ELP1: variants seen among roughly 807,000 people sequenced by gnomAD.
The protein encoded by ELP1 is elongator acetyltransferase complex subunit 1.
In ELP1, 131 loss-of-function variants were observed where a neutral mutation model predicts 183.2. The observed-to-expected ratio is 0.72, with a 90% CI of 0.62 to 0.83. The LOEUF is 0.83. ELP1 is among the 40% of genes least tolerant of loss of function. The pLI, the probability that ELP1 is intolerant of heterozygous loss-of-function variation, is 0.00. For synonymous variants in ELP1, 555 were observed against 569.0 expected (o/e 0.98, Z 0.35); for missense variants, 1,550 against 1,594.9 (o/e 0.97, Z 0.48).
At chr9:108,921,261 C>G (rs1829635511) in intron 6 of ELP1, among the ~76,000 whole-genome samples, 1 of 151,912 alleles carries the variant, frequency 6.6e-6, no homozygotes, top group South Asian at 2.1e-4. Flanking sequence ...GTCACCCCTT[C>G]CCCACCCCAC....
Position 108,930,878 on chromosome 9 carries a change from T to C in ELP1, c.150+119A>G, listed in dbSNP as rs1453935235. On this transcript the variant is annotated intron_variant, in intron 2 of 36. Transcript: ENST00000374647. Reference sequence around the variant, plus strand: ...GGCATATATATGAAGCAAAAGATGTTTATTTGGGAGGATATAAATTCAATA... The same window carrying C: ...GGCATATATATGAAGCAAAAGATGTCTATTTGGGAGGATATAAATTCAATA... The C allele has an allele frequency of 4.2e-6, 4 of 952,902 alleles. No homozygotes were observed. The African/African-American group carries it at 6.5e-5, about 16-fold the overall frequency. 59.0% of individuals were successfully genotyped at this position (952,902 alleles called of 1,614,324 possible).
At chr9:108,899,679 AAAG>A in intron 20 of ELP1, 140 bp downstream of exon 20, 1 of 671,792 alleles carries the variant, frequency 1.5e-6, no homozygotes, top group East Asian at 2.8e-5. Context: ...AAAAAAAAAA[AAAG>A]AGCCTCTAAG....
intron 11 of ELP1, 118 bp downstream of exon 11, chr9:108,912,146 T>G: frequency 1.2e-6 from 1 of 812,724 alleles, no homozygotes; most frequent in Non-Finnish European, 2.1e-6. Context: ...AAAAAACAAG[T>G]AACCCAAACA....
intron 27 of ELP1, among the ~76,000 whole-genome samples, chr9:108,892,193 G>C (rs1266942410): frequency 6.6e-6 from 1 of 152,190 alleles, no homozygotes; most frequent in Non-Finnish European, 1.5e-5. Flanking sequence ...TCAGTGTTTG[G>C]CGCCTGGTCC....
intron 12 of ELP1, among the ~76,000 whole-genome samples, chr9:108,908,622 G>T (rs1829103524): frequency 6.6e-6 from 1 of 152,162 alleles, no homozygotes; most frequent in African/African-American, 2.4e-5. Flanking sequence ...AGGTGAAGGG[G>T]CTACCCTCTC....
Position 108,927,389 on chromosome 9 carries a change from A to T in ELP1, c.368T>A (p.Leu123Gln). ...SVMSWSPDQELVLLATGQQTL... is the reference protein window; with the variant it reads ...SVMSWSPDQEQVLLATGQQTL... ...AAGCTTACCTGTGGCAAGAAGCACC[A>T]GCTCTTGGTCAGGACTCCAACTCAT... is the stretch of plus-strand genomic sequence containing the variant. Residue 123 changes from leucine to glutamine, a missense_variant, in exon 4 of 37, where the codon CTG (leucine) becomes CAG (glutamine). Coordinates refer to ENST00000374647, the MANE Select transcript of ELP1 (RefSeq NM_003640.5). 6.2e-7 allele frequency: 1 copy of T among 1,613,664 alleles called. No homozygotes were observed. The highest frequency in any genetic ancestry group is 8.5e-7 in the Non-Finnish European group (1 of 1,179,588).
At chr9:108,902,078 C>A (rs1023620643) in intron 16 of ELP1, among the ~76,000 whole-genome samples, 2 of 152,184 alleles carry the variant, frequency 1.3e-5, no homozygotes, top group African/African-American at 2.4e-5. Context: ...AATCTTTGTT[C>A]AATTAAAGAA....
rs757781758 is a variant in ELP1, at chr9:108,869,162, G to T, written c.3952C>A (p.Pro1318Thr). ...PVLDAELFIP[P>T]KINRRTQWKL... The stretch of plus-strand genomic sequence containing the variant: ...CACTGGGTTCTTCTGTTGATCTTTG[G>T]TGGTATAAAAAGCTCAGCATCTAAA... The change falls in exon 37 of 37, where the codon CCA becomes ACA. Residue 1318 changes from proline (P) to threonine (T), a missense_variant. By Grantham distance (38) the Pro-to-Thr change is conservative. Transcript: ENST00000374647. 6 of 1,614,108 alleles carry T rather than the reference G, an allele frequency of 3.7e-6. No individual in the cohort carries two copies. The highest frequency in any genetic ancestry group is 5.1e-6 in the Non-Finnish European group (6 of 1,179,972).
At chr9:108,906,281 G>A (rs1307115041) in intron 14 of ELP1, 22 bp downstream of exon 14, 1 of 1,612,756 alleles carries the variant, frequency 6.2e-7, no homozygotes, top group South Asian at 1.1e-5. Context: ...AACATGTGGA[G>A]TACAGGGAAA....
chr9:108,897,309 G>A (rs751715614), intron 22 of ELP1, 24 bp from the exon 23 acceptor site: 2 of 1,613,430 alleles, frequency 1.2e-6, no homozygotes, highest in Admixed American at 3.3e-5. Context: ...TGTATGGAAT[G>A]GTCATCAACA....
chr9:108,882,619 G>A (rs1827977038), intron 29 of ELP1, among the ~76,000 whole-genome samples: 1 of 142,484 alleles, frequency 7.0e-6, no homozygotes, highest in African/African-American at 2.7e-5. Flanking sequence ...TTCTCAGACA[G>A]GGTCTCACTC....
Position 108,877,671 on chromosome 9 carries a change from G to A in ELP1, c.3855+324C>T, listed in dbSNP as rs56033309. On this transcript the variant is annotated intron_variant, in intron 35 of 36. Transcript: ENST00000374647. ...AGTTCTGAAAGGAAAGTGAGAGGCC[G>A]TCTCTGACCCCATCTTCCCCCATCT... Among the ~76,000 whole-genome samples the A allele has an allele frequency of 3.3e-5, 5 of 152,250 alleles. No homozygotes were observed. In the South Asian group the frequency reaches 8.3e-4, roughly 25 times the overall value.
chr9:108,919,838 T>C (rs941177752), intron 6 of ELP1, among the ~76,000 whole-genome samples: 1 of 152,162 alleles, frequency 6.6e-6, no homozygotes, highest in Non-Finnish European at 1.5e-5. Flanking sequence ...GGAAATGTTC[T>C]CATTCTGCAG....
intron 10 of ELP1, among the ~76,000 whole-genome samples, chr9:108,914,900 C>CA (rs1489109842): frequency 1.3e-5 from 2 of 152,154 alleles, no homozygotes; most frequent in Non-Finnish European, 2.9e-5. Flanking sequence ...GCTGGGCCCC[C>CA]AAAGTGCATG....
At chr9:108,930,858 A>T in intron 2 of ELP1, 139 bp downstream of exon 2, 1 of 804,682 alleles carries the variant, frequency 1.2e-6, no homozygotes, top group Non-Finnish European at 2.1e-6. Flanking sequence ...AACATGGCAT[A>T]TATATGAAGC....
intron 13 of ELP1, among the ~76,000 whole-genome samples, 193 bp downstream of exon 13, chr9:108,908,112 T>C (rs1314812722): frequency 6.6e-6 from 1 of 152,232 alleles, no homozygotes; most frequent in Non-Finnish European, 1.5e-5. Context: ...TCCTGCTACC[T>C]ATCAAATTAT....
rs560114973 is a variant in ELP1, at chr9:108,878,226, A to G, written c.3701-77T>C. 581 of 1,304,810 alleles carry G rather than the reference A, an allele frequency of 4.5e-4. 12 individuals are homozygous for G. The South Asian group carries it at 6.3e-3, about 14-fold the overall frequency. The allele number at this position is 1,304,810 out of a possible 1,614,324, so 80.8% of individuals were successfully genotyped here. A position where few individuals can be genotyped will look rare whatever the true frequency, so the allele number is the denominator to read the frequency against. On this transcript the variant is annotated intron_variant, in intron 34 of 36. Coordinates refer to ENST00000374647, the MANE Select transcript of ELP1 (RefSeq NM_003640.5). ...ACAGAATCATACATAGCTTCTATCC[A>G]AAGCCAAAAATTTCTATGATCCCAC... is the stretch of plus-strand genomic sequence containing the variant.
At chr9:108,891,086 T>C (rs769748930) in intron 28 of ELP1, 117 bp downstream of exon 28, 12 of 993,096 alleles carry the variant, frequency 1.2e-5, no homozygotes, top group Non-Finnish European at 1.9e-5. Context: ...TTTTTATCAG[T>C]GAGAACAAGA....
chr9:108,928,970 T>C (rs1035857376), intron 3 of ELP1, among the ~76,000 whole-genome samples: 4 of 152,356 alleles, frequency 2.6e-5, no homozygotes, highest in African/African-American at 7.2e-5. Context: ...GTGCCTTAAC[T>C]GCCTCTTCTG....
Sources: allele counts gnomAD v4.1 joint callset (sites outside exome capture counted in the v4.1 genomes callset), GRCh38; gene constraint gnomAD v4.1.1; transcripts MANE v1.5; gene names NCBI Gene and HGNC (gene_info 2026-07-23, HGNC 2026-07-21).